Variants in SUCLA2 observed in about 807,000 individuals in gnomAD.
SUCLA2 encodes succinate-CoA ligase ADP-forming subunit beta.
In SUCLA2, 30 loss-of-function variants were observed where a neutral mutation model predicts 54.8. The ratio of observed to expected loss-of-function variants is 0.55; its 90% CI spans 0.41 to 0.74. The LOEUF (loss-of-function observed/expected upper bound fraction) is 0.74. Ranked by LOEUF, SUCLA2 falls within the 30% of genes least tolerant of loss-of-function variation. The pLI, the probability that SUCLA2 is intolerant of heterozygous loss-of-function variation, is 0.00. For missense variants in SUCLA2, 476 were observed against 562.9 expected (o/e 0.85, Z 1.56); for synonymous variants, 172 against 188.9 (o/e 0.91, Z 0.74).
chr13:47,975,165 C>CTTT (rs200391823), intron 4 of SUCLA2, among the ~76,000 whole-genome samples: 1 of 145,018 alleles, frequency 6.9e-6, no homozygotes. Context: ...TCTTTCTTTT[C>CTTT]TTTTTTTTTT....
At chr13:47,962,117 A>G (rs1313056680) in intron 6 of SUCLA2, among the ~76,000 whole-genome samples, 10 of 152,100 alleles carry the variant, frequency 6.6e-5, no homozygotes, top group Admixed American at 4.6e-4. Context: ...TGTTTGAAAT[A>G]TTGATGATTC....
intron 6 of SUCLA2, among the ~76,000 whole-genome samples, chr13:47,966,270 A>G (rs1250633337): frequency 2.6e-5 from 4 of 152,158 alleles, no homozygotes; most frequent in Non-Finnish European, 4.4e-5. Context: ...TTCTGTATCA[A>G]AATTTAAAAG....
chr13:47,957,638 A>T (rs1275511985), intron 6 of SUCLA2, among the ~76,000 whole-genome samples: 1 of 152,226 alleles, frequency 6.6e-6, no homozygotes, highest in Admixed American at 6.5e-5. Context: ...GGAAATCTTT[A>T]AAGAATTTTC....
At chr13:48,001,099 C>A (rs1024428843) in intron 1 of SUCLA2, 81 bp downstream of exon 1, 2 of 1,535,032 alleles carry the variant, frequency 1.3e-6, no homozygotes, top group Non-Finnish European at 1.8e-6. Flanking sequence ...CGAAGTGACC[C>A]CGAGCCGGGC....
chr13:47,989,667 T>A (rs1203481658), intron 2 of SUCLA2, among the ~76,000 whole-genome samples: 2 of 152,228 alleles, frequency 1.3e-5, no homozygotes, highest in Non-Finnish European at 2.9e-5. Flanking sequence ...AACACGTCCC[T>A]CCCTCTCTAT....
At chr13:47,974,770 T>A (rs1039847492) in intron 4 of SUCLA2, among the ~76,000 whole-genome samples, 5 of 152,142 alleles carry the variant, frequency 3.3e-5, no homozygotes, top group Non-Finnish European at 7.3e-5. Flanking sequence ...AATTTATGCA[T>A]TAAACTAGAA....
intron 10 of SUCLA2, among the ~76,000 whole-genome samples, chr13:47,947,261 C>A (rs1011930016): frequency 2.1e-5 from 3 of 142,082 alleles, no homozygotes; most frequent in African/African-American, 8.0e-5. Flanking sequence ...CATGTGTATG[C>A]ACACACGCAC....
At chr13:47,993,327 C>T (rs942046971) in intron 2 of SUCLA2, among the ~76,000 whole-genome samples, 1 of 152,148 alleles carries the variant, frequency 6.6e-6, no homozygotes, top group African/African-American at 2.4e-5. Flanking sequence ...AGAACTGACC[C>T]CAAATAATAT....
intron 10 of SUCLA2, among the ~76,000 whole-genome samples, chr13:47,947,991 TAA>T (rs1466293038): frequency 1.3e-5 from 2 of 152,170 alleles, no homozygotes; most frequent in African/African-American, 2.4e-5. Context: ...ACAAAAGATA[TAA>T]GAGACTCAGA....
At chr13:47,979,822 G>A (rs1490660209) in intron 4 of SUCLA2, among the ~76,000 whole-genome samples, 1 of 152,012 alleles carries the variant, frequency 6.6e-6, no homozygotes, top group East Asian at 1.9e-4. Context: ...AAAGAGAAAA[G>A]GAAAGGTAAA....
rs990183694 is a variant in SUCLA2, at chr13:47,942,714, T to G, written c.*657A>C. 3 of 152,272 alleles carry G rather than the reference T, an allele frequency of 2.0e-5. No individual in the cohort carries two copies. The highest frequency in any genetic ancestry group is 7.2e-5 in the African/African-American group (3 of 41,464). 9.4% of individuals were successfully genotyped at this position (152,272 alleles called of 1,614,324 possible). ...CATTCTTAATTTTGTCTGTAAGTCC[T>G]TGGTATATATGCCTTTATTTGAAGC... is the stretch of plus-strand genomic sequence containing the variant. On this transcript the variant is annotated 3_prime_UTR_variant, in exon 11 of 11. Transcript: ENST00000646932.
intron 2 of SUCLA2, among the ~76,000 whole-genome samples, chr13:47,996,040 C>T (rs774153806): frequency 4.6e-5 from 7 of 151,906 alleles, no homozygotes; most frequent in Non-Finnish European, 1.0e-4. Flanking sequence ...AAAAGAAACT[C>T]GGGCTGTATG....
At chr13:47,994,860 C>G in intron 2 of SUCLA2, 1 of 985,306 alleles carries the variant, frequency 1.0e-6, no homozygotes, top group Non-Finnish European at 1.2e-6. Flanking sequence ...CTCATAGTTA[C>G]AGTTTATCCT....
At chr13:47,974,061 C>T (rs891660447) in intron 4 of SUCLA2, among the ~76,000 whole-genome samples, 2 of 148,472 alleles carry the variant, frequency 1.3e-5, no homozygotes, top group African/African-American at 5.0e-5. Context: ...ACTTTCTGCA[C>T]ATGTATCCCA....
intron 6 of SUCLA2, among the ~76,000 whole-genome samples, chr13:47,964,608 A>G (rs1186203254): frequency 1.3e-5 from 2 of 152,234 alleles, no homozygotes; most frequent in South Asian, 2.1e-4. Context: ...CTGTAATCCC[A>G]GCACTTTGGG....
At chr13:47,988,406 A>G in intron 4 of SUCLA2, 135 bp downstream of exon 4, 1 of 975,182 alleles carries the variant, frequency 1.0e-6, no homozygotes, top group South Asian at 1.7e-5. Flanking sequence ...TGACATAAAT[A>G]TCATGCTCAT....
intron 8 of SUCLA2, among the ~76,000 whole-genome samples, chr13:47,952,971 AC>A (rs951719440): frequency 6.6e-6 from 1 of 152,066 alleles, no homozygotes; most frequent in African/African-American, 2.4e-5. Flanking sequence ...AGTGAAGGCC[AC>A]CCTGATTCTC....
intron 6 of SUCLA2, among the ~76,000 whole-genome samples, chr13:47,960,904 G>A (rs115543728): frequency 2.2e-3 from 339 of 152,250 alleles, no homozygotes; most frequent in African/African-American, 7.2e-3. Flanking sequence ...GGATCACTGC[G>A]GAAGAGGTAG....
chr13:47,959,460 G>T (rs1949849166), intron 6 of SUCLA2, among the ~76,000 whole-genome samples: 1 of 124,262 alleles, frequency 8.0e-6, no homozygotes, highest in South Asian at 3.2e-4. Context: ...AGGAGGAGAG[G>T]TGGAGGAGGA....
Sources: allele counts gnomAD v4.1 joint callset (sites outside exome capture counted in the v4.1 genomes callset), GRCh38; gene constraint gnomAD v4.1.1; transcripts MANE v1.5; gene names NCBI Gene and HGNC (gene_info 2026-07-23, HGNC 2026-07-21).